Variants in SLC9A2 observed in about 807,000 individuals in gnomAD.
The protein encoded by SLC9A2 is sodium/hydrogen exchanger 2.
In SLC9A2, 42 loss-of-function variants were observed where a neutral mutation model predicts 71.7. The observed-to-expected ratio is 0.59, with a 90% CI of 0.46 to 0.76. The LOEUF is 0.76. Ranked by LOEUF, SLC9A2 falls within the 30% of genes least tolerant of loss-of-function variation. The pLI, the probability that SLC9A2 is intolerant of heterozygous loss-of-function variation, is 0.00. For synonymous variants in SLC9A2, 396 were observed against 392.5 expected (o/e 1.01, Z -0.10); for missense variants, 829 against 1,017.4 (o/e 0.81, Z 2.52).
At chr2:102,678,065 T>C (rs1330861067) in intron 3 of SLC9A2, among the ~76,000 whole-genome samples, 2 of 152,202 alleles carry the variant, frequency 1.3e-5, no homozygotes, top group Non-Finnish European at 2.9e-5. Context: ...AAATGTCCTC[T>C]TTTGTGGCAT....
At chr2:102,679,522 C>T (rs1216858565) in intron 3 of SLC9A2, among the ~76,000 whole-genome samples, 3 of 152,002 alleles carry the variant, frequency 2.0e-5, no homozygotes, top group African/African-American at 7.3e-5. Flanking sequence ...GCTGGGACTA[C>T]AGGTGTCCGC....
chr2:102,641,794 T>C (rs147996810), intron 1 of SLC9A2, among the ~76,000 whole-genome samples: 33 of 148,996 alleles, frequency 2.2e-4, no homozygotes, highest in African/African-American at 7.9e-4. Flanking sequence ...ACCTGTAAGT[T>C]AGGACAGAAA....
At chr2:102,644,132 G>A (rs1024656200) in intron 1 of SLC9A2, among the ~76,000 whole-genome samples, 5 of 151,904 alleles carry the variant, frequency 3.3e-5, no homozygotes, top group Non-Finnish European at 7.4e-5. Context: ...TGAGGTACCC[G>A]GGTCATCTCA....
intron 1 of SLC9A2, among the ~76,000 whole-genome samples, chr2:102,648,784 G>A (rs904070125): frequency 6.6e-6 from 1 of 152,118 alleles, no homozygotes; most frequent in East Asian, 1.9e-4. Context: ...CAAAGGACAC[G>A]AAGGACCTCT....
At chr2:102,701,362 GATTAC>G in intron 8 of SLC9A2, 131 bp downstream of exon 8, 3 of 674,886 alleles carry the variant, frequency 4.4e-6, no homozygotes, top group Non-Finnish European at 7.1e-6. Flanking sequence ...AGAGTGCTGG[GATTAC>G]AGGCATGAGC....
chr2:102,650,985 T>G (rs1352767232), intron 1 of SLC9A2, among the ~76,000 whole-genome samples: 1 of 152,244 alleles, frequency 6.6e-6, no homozygotes, highest in East Asian at 1.9e-4. Flanking sequence ...TCTGCCTTCC[T>G]ATTGCTTTCC....
rs558130432 is a variant in SLC9A2, at chr2:102,651,613, G to A, written c.290-5951G>A. Among the ~76,000 whole-genome samples, 4 of 152,270 alleles carry A rather than the reference G, an allele frequency of 2.6e-5. No homozygotes were observed. The East Asian group carries it at 5.8e-4, about 22-fold the overall frequency. On this transcript the variant is annotated intron_variant, in intron 1 of 11. Coordinates refer to ENST00000233969, the MANE Select transcript of SLC9A2 (RefSeq NM_003048.6). ...AGAGGATTCTCCCATCAATCAAAAG[G>A]ATTCTCTCACTGCTCTCTGCTTTTG...
intron 2 of SLC9A2, among the ~76,000 whole-genome samples, chr2:102,658,787 A>G (rs1353797455): frequency 6.6e-6 from 1 of 152,060 alleles, no homozygotes; most frequent in Non-Finnish European, 1.5e-5. Flanking sequence ...GGGATGAGAA[A>G]GCCTCTCCTT....
chr2:102,680,327 T>C (rs1001814960), intron 3 of SLC9A2, among the ~76,000 whole-genome samples: 3 of 152,282 alleles, frequency 2.0e-5, no homozygotes, highest in Non-Finnish European at 4.4e-5. Context: ...ATCTTACTTT[T>C]TAAAGTCTAG....
chr2:102,680,663 C>T (rs553429929), intron 3 of SLC9A2, among the ~76,000 whole-genome samples: 1 of 152,272 alleles, frequency 6.6e-6, no homozygotes, highest in South Asian at 2.1e-4. Flanking sequence ...GAAAAATGGC[C>T]TCAAAGATGT....
Position 102,710,198 on chromosome 2 carries a change from G to A in SLC9A2, c.*1709G>A, listed in dbSNP as rs1678078282. Reference sequence around the variant, plus strand: ...GAAAACTACAGGCTTAGGACTCTGTGCCAAAAATCTCTATTTTAAATGAAA... The same window carrying A: ...GAAAACTACAGGCTTAGGACTCTGTACCAAAAATCTCTATTTTAAATGAAA... On this transcript the variant is annotated 3_prime_UTR_variant, in exon 12 of 12. Coordinates refer to ENST00000233969, the MANE Select transcript of SLC9A2 (RefSeq NM_003048.6). The A allele has an allele frequency of 6.6e-6, 1 of 152,622 alleles. No individual in the cohort carries two copies. The highest frequency in any genetic ancestry group is 1.5e-5 in the Non-Finnish European group (1 of 68,030). The allele number at this position is 152,622 out of a possible 1,614,324, so 9.5% of individuals were successfully genotyped here. A position where few individuals can be genotyped will look rare whatever the true frequency, so the allele number is the denominator to read the frequency against.
intron 7 of SLC9A2, among the ~76,000 whole-genome samples, chr2:102,699,969 G>C (rs1237243167): frequency 2.6e-5 from 4 of 152,078 alleles, no homozygotes; most frequent in Non-Finnish European, 5.9e-5. Flanking sequence ...AATCACTTCT[G>C]TAAACACTAG....
In SLC9A2 at chr2:102,657,612, T is replaced by C; in HGVS notation, c.338T>C (p.Leu113Pro). The change falls in exon 2 of 12, where the codon CTT becomes CCT. Residue 113 changes from leucine (L) to proline (P), a missense_variant. Physicochemically the swap from Leu to Pro is moderately conservative, Grantham distance 98. This residue lies in a region of SLC9A2 where 500 missense variants were observed against 726.3 expected (regional missense o/e 0.69). Coordinates refer to ENST00000233969, the MANE Select transcript of SLC9A2 (RefSeq NM_003048.6). ...KLPTIVPESCLLIMVGLLLGG... is the reference protein window; with the variant it reads ...KLPTIVPESCPLIMVGLLLGG... Reference sequence around the variant, plus strand: ...CCCACAATAGTGCCTGAGAGCTGCCTTCTTATAATGGTTGGACTTCTACTA... The same window carrying C: ...CCCACAATAGTGCCTGAGAGCTGCCCTCTTATAATGGTTGGACTTCTACTA... 1 of 1,614,058 alleles carries C rather than the reference T, an allele frequency of 6.2e-7. No individual in the cohort carries two copies. Among genetic ancestry groups the C allele is most frequent in the Non-Finnish European group, 8.5e-7 (1 of 1,179,952 alleles).
In SLC9A2 at chr2:102,673,948, C is replaced by T. The variant is rs368259980; in HGVS notation, c.1004+8598C>T. On this transcript the variant is annotated intron_variant, in intron 3 of 11. Transcript: ENST00000233969. ...GACTACAGGTGCCCGCCACCACGCC[C>T]GGCTAATTTTTTGTATTTTTAGTAG... Among the ~76,000 whole-genome samples the T allele has an allele frequency of 6.0e-3, 919 of 152,006 alleles. 7 individuals are homozygous for T. The highest frequency in any genetic ancestry group is 0.02 in the African/African-American group (833 of 41,462).
intron 1 of SLC9A2, among the ~76,000 whole-genome samples, chr2:102,654,268 C>T (rs1034200038): frequency 3.6e-5 from 5 of 138,060 alleles, no homozygotes; most frequent in South Asian, 4.7e-4. Flanking sequence ...AGCAGGTGCA[C>T]ATAGAAGCAA....
At chr2:102,640,227 G>A (rs1467658052) in intron 1 of SLC9A2, among the ~76,000 whole-genome samples, 1 of 152,198 alleles carries the variant, frequency 6.6e-6, no homozygotes, top group Non-Finnish European at 1.5e-5. Context: ...TTTCTCTGCT[G>A]TCTCTCAGCA....
At chr2:102,667,664 A>G (rs1677166820) in intron 3 of SLC9A2, among the ~76,000 whole-genome samples, 1 of 152,218 alleles carries the variant, frequency 6.6e-6, no homozygotes, top group Non-Finnish European at 1.5e-5. Context: ...TATTCCTGAT[A>G]AATAGCACAG....
intron 11 of SLC9A2, 46 bp from the exon 12 acceptor site, chr2:102,708,073 C>T (rs1398868017): frequency 1.0e-5 from 16 of 1,570,466 alleles, no homozygotes; most frequent in Non-Finnish European, 1.4e-5. Context: ...CTTGCAATGC[C>T]TTCTCTCTAA....
At chr2:102,667,827 TGA>T (rs1677170264) in intron 3 of SLC9A2, among the ~76,000 whole-genome samples, 1 of 152,004 alleles carries the variant, frequency 6.6e-6, no homozygotes, top group South Asian at 2.1e-4. Context: ...CCCAGCACTT[TGA>T]GAGGATGAGA....
Sources: allele counts gnomAD v4.1 joint callset (sites outside exome capture counted in the v4.1 genomes callset), GRCh38; gene constraint gnomAD v4.1.1; regional missense constraint gnomAD v4.1.1; transcripts MANE v1.5; gene names NCBI Gene and HGNC (gene_info 2026-07-23, HGNC 2026-07-21).